MARCKS: variants seen among roughly 807,000 people sequenced by gnomAD.
MARCKS encodes myristoylated alanine rich protein kinase C substrate, also known as myristoylated alanine-rich C-kinase substrate.
In MARCKS, 4 loss-of-function variants were observed where a neutral mutation model predicts 6.3. The ratio of observed to expected loss-of-function variants is 0.63; its 90% CI spans 0.31 to 1.45. The LOEUF is 1.45. Among genes scored for constraint, MARCKS ranks in the 40% most tolerant of loss-of-function variants. MARCKS has a pLI of 0.07. For missense variants in MARCKS, 636 were observed against 485.7 expected, an observed-to-expected ratio of 1.31 and a Z score of -2.91; for synonymous variants, 289 against 236.5, an observed-to-expected ratio of 1.22 and a Z score of -2.04.
At chr6:113,859,109 C>T (rs904247659) in intron 1 of MARCKS, among the ~76,000 whole-genome samples, 5 of 152,128 alleles carry the variant, frequency 3.3e-5, no homozygotes, top group Non-Finnish European at 7.4e-5. Context: ...GGCACAGCGC[C>T]CCCTGCCGGT....
intron 1 of MARCKS, among the ~76,000 whole-genome samples, chr6:113,859,409 T>C (rs1774839706): frequency 6.6e-6 from 1 of 152,146 alleles, no homozygotes; most frequent in Admixed American, 6.5e-5. Flanking sequence ...ACTTCGTCTT[T>C]AGGGCACTTG....
At chr6:113,858,449 A>T (rs1288973760) in intron 1 of MARCKS, among the ~76,000 whole-genome samples, 1 of 152,146 alleles carries the variant, frequency 6.6e-6, no homozygotes, top group Non-Finnish European at 1.5e-5. Flanking sequence ...CTAAATCTTT[A>T]TTCGTAGCTG....
intron 1 of MARCKS, among the ~76,000 whole-genome samples, chr6:113,858,566 T>C (rs1304994910): frequency 3.9e-5 from 6 of 152,240 alleles, no homozygotes; most frequent in African/African-American, 1.4e-4. Flanking sequence ...AGGCGGTTCG[T>C]GCCTTTCGGT....
chr6:113,859,845 G>C lies in MARCKS; in HGVS notation c.265G>C (p.Glu89Gln). The change falls in exon 2 of 2, where the codon GAG (glutamate) becomes CAG (glutamine). Residue 89 changes from glutamate (E) to glutamine (Q), a missense_variant. By Grantham distance (29) the Glu-to-Gln change is conservative (BLOSUM62 2). Transcript: ENST00000612661. Reference protein sequence around the residue: ...AASPSAAEKGEPAAAAAPEAG... With the variant: ...AASPSAAEKGQPAAAAAPEAG... ...GTCGCCCTCCGCGGCCGAGAAAGGT[G>C]AGCCGGCCGCCGCCGCTGCCCCCGA... 1.5e-6 allele frequency: 2 copies of C among 1,294,892 alleles called. No individual in the cohort carries two copies. The highest frequency in any genetic ancestry group is 2.0e-6 in the Non-Finnish European group (2 of 1,023,868). The allele number at this position is 1,294,892 out of a possible 1,614,324, so 80.2% of individuals were successfully genotyped here.
At position 113,862,978 on chromosome 6, in the gene MARCKS, A is replaced by G. The variant is rs1238281971; in HGVS notation, c.*2399A>G. 1 of 152,202 alleles carries G rather than the reference A, an allele frequency of 6.6e-6. No individual in the cohort carries two copies. The highest frequency in any genetic ancestry group is 6.5e-5 in the Admixed American group (1 of 15,292). The allele number at this position is 152,202 out of a possible 1,614,324, so 9.4% of individuals were successfully genotyped here. Reference sequence around the variant, plus strand: ...TTCTTAGTTACCTAGATGGCCAAGTACAGTGCCTGGTATGTAGTAAGACTC... The same window carrying G: ...TTCTTAGTTACCTAGATGGCCAAGTGCAGTGCCTGGTATGTAGTAAGACTC... On this transcript the variant is annotated 3_prime_UTR_variant, in exon 2 of 2. Coordinates refer to ENST00000612661, the MANE Select transcript of MARCKS (RefSeq NM_002356.7).
chr6:113,860,390 G>GGAGGCC lies in MARCKS; in HGVS notation c.812_817dup (p.Glu271_Ala272dup). The GGAGGCC allele has an allele frequency of 7.9e-7, 1 of 1,269,910 alleles. No homozygotes were observed. The highest frequency in any genetic ancestry group is 1.0e-6 in the Non-Finnish European group (1 of 981,910). The allele number at this position is 1,269,910 out of a possible 1,614,324, so 78.7% of individuals were successfully genotyped here. On this transcript the variant is annotated inframe_insertion, in exon 2 of 2. Coordinates refer to ENST00000612661, the MANE Select transcript of MARCKS (RefSeq NM_002356.7). ...GCAAGGTGGAGGAGAAAAAGGCCGA[G>GGAGGCC]GAGGCCGGGGCCAGCGCCGCCGCCT... is the stretch of plus-strand genomic sequence containing the variant.
rs1157915609 is a variant in MARCKS, at chr6:113,857,738, A to G, written c.-8A>G. On this transcript the variant is annotated 5_prime_UTR_variant, in exon 1 of 2. Coordinates refer to ENST00000612661, the MANE Select transcript of MARCKS (RefSeq NM_002356.7). ...GATCTGTTGAGTTTCTTTGTTGAAGAAGCCAGCATGGGTGCCCAGTTCTCC... is the reference window on the plus strand; with the variant it reads ...GATCTGTTGAGTTTCTTTGTTGAAGGAGCCAGCATGGGTGCCCAGTTCTCC... The G allele has an allele frequency of 1.3e-6, 2 of 1,597,766 alleles. No homozygotes were observed. The highest frequency in any genetic ancestry group is 4.5e-5 in the East Asian group (2 of 44,266).
chr6:113,859,694 C>A lies in MARCKS; in HGVS notation c.114C>A (p.His38Gln). The A allele has an allele frequency of 6.6e-7, 1 of 1,504,304 alleles. No homozygotes were observed. The highest frequency in any genetic ancestry group is 8.9e-7 in the Non-Finnish European group (1 of 1,127,152). 93.2% of individuals were successfully genotyped at this position (1,504,304 alleles called of 1,614,324 possible). ...PSKANGQENG[H>Q]VKVNGDASPA... ...TCTCTGCCCCTTAGGAGAATGGCCA[C>A]GTGAAGGTAAACGGCGACGCTTCGC... Residue 38 changes from histidine to glutamine, a missense_variant, in exon 2 of 2, where the codon CAC becomes CAA. Coordinates refer to ENST00000612661, the MANE Select transcript of MARCKS (RefSeq NM_002356.7).
At position 113,861,109 on chromosome 6, in the gene MARCKS, G is replaced by A. The variant is rs551462727; in HGVS notation, c.*530G>A. 2 of 142,826 alleles carry A rather than the reference G, an allele frequency of 1.4e-5. No homozygotes were observed. Among genetic ancestry groups the A allele is most frequent in the Non-Finnish European group, 1.5e-5 (1 of 66,206 alleles). The allele number at this position is 142,826 out of a possible 1,614,324, so 8.8% of individuals were successfully genotyped here. A position where few individuals can be genotyped will look rare whatever the true frequency, so the allele number is the denominator to read the frequency against. ...TTTTTAAAAGAAAAGTTATTACCAT[G>A]TATTTTGTGAGGCAGGTTTACAACA... On this transcript the variant is annotated 3_prime_UTR_variant, in exon 2 of 2. Coordinates refer to ENST00000612661, the MANE Select transcript of MARCKS (RefSeq NM_002356.7).
chr6:113,860,239 A>G lies in MARCKS; in HGVS notation c.659A>G (p.Glu220Gly). ...GGGGAGCAGGCAGCGGCGCCGGGCG[A>G]GGAGGCGGCAGCGGGCGAGGAGGGG... The part of the protein sequence containing the change: ...ASGEQAAAPG[E>G]EAAAGEEGAA... The change falls in exon 2 of 2, where the codon GAG becomes GGG. Residue 220 changes from glutamate (E) to glycine (G), a missense_variant. By Grantham distance (98) the Glu-to-Gly change is moderately conservative. Transcript: ENST00000612661. The G allele has an allele frequency of 1.9e-6, 2 of 1,074,440 alleles. No homozygotes were observed. The highest frequency in any genetic ancestry group is 2.3e-6 in the Non-Finnish European group (2 of 883,190). 66.6% of individuals were successfully genotyped at this position (1,074,440 alleles called of 1,614,324 possible).
chr6:113,859,397 G>T (rs1774839494), intron 1 of MARCKS, among the ~76,000 whole-genome samples: 1 of 152,176 alleles, frequency 6.6e-6, no homozygotes, highest in African/African-American at 2.4e-5. Context: ...GCTACGTTTC[G>T]GACTTCGTCT....
chr6:113,858,994 G>C (rs1053150411), intron 1 of MARCKS, among the ~76,000 whole-genome samples: 1 of 152,126 alleles, frequency 6.6e-6, no homozygotes, highest in Non-Finnish European at 1.5e-5. Flanking sequence ...CGCGATCCGG[G>C]CTCGGGGGCG....
rs973869613 is a variant in MARCKS at position 113,862,411 on chromosome 6, G to A, written c.*1832G>A. ...TCATGGGCCTTTAGCATAGTTTTAAGCATCCTTTTTTTTTTTTTTTTTTGA... is the reference window on the plus strand; with the variant it reads ...TCATGGGCCTTTAGCATAGTTTTAAACATCCTTTTTTTTTTTTTTTTTTGA... On this transcript the variant is annotated 3_prime_UTR_variant, in exon 2 of 2. Coordinates refer to ENST00000612661, the MANE Select transcript of MARCKS (RefSeq NM_002356.7). 2.7e-4 allele frequency: 37 copies of A among 138,588 alleles called. No individual in the cohort carries two copies. Among genetic ancestry groups the A allele is most frequent in the African/African-American group, 9.0e-4 (35 of 38,742 alleles). 8.6% of individuals were successfully genotyped at this position (138,588 alleles called of 1,614,324 possible).
Position 113,860,793 on chromosome 6 carries a change from A to G in MARCKS, c.*214A>G, listed in dbSNP as rs1774889608. 2 of 334,334 alleles carry G rather than the reference A, an allele frequency of 6.0e-6. No homozygotes were observed. Among genetic ancestry groups the G allele is most frequent in the African/African-American group, 4.4e-5 (2 of 45,234 alleles). 20.7% of individuals were successfully genotyped at this position (334,334 alleles called of 1,614,324 possible). On this transcript the variant is annotated 3_prime_UTR_variant, in exon 2 of 2. Coordinates refer to ENST00000612661, the MANE Select transcript of MARCKS (RefSeq NM_002356.7). ...CCCATCTCAAATCATTCTGTTAACC[A>G]CCATTCCAACAGGTCGAGGAGAGCT...
Position 113,860,344 on chromosome 6 carries a change from C to T in MARCKS, c.764C>T (p.Thr255Ile). ...APEKPPASDE[T>I]KAAEEPSKVE... ...GAGAAGCCGCCCGCCAGCGACGAGA[C>T]CAAGGCCGCCGAGGAGCCCAGCAAG... is the stretch of plus-strand genomic sequence containing the variant. Residue 255 changes from threonine to isoleucine, a missense_variant, in exon 2 of 2, where the codon ACC becomes ATC. Thr to Ile is a moderately conservative substitution (Grantham distance 89, BLOSUM62 -1). Transcript: ENST00000612661. 1 of 1,310,794 alleles carries T rather than the reference C, an allele frequency of 7.6e-7. No homozygotes were observed. The highest frequency in any genetic ancestry group is 1.0e-6 in the Non-Finnish European group (1 of 1,004,660). 81.2% of individuals were successfully genotyped at this position (1,310,794 alleles called of 1,614,324 possible).
Position 113,859,740 on chromosome 6 carries a change from G to A in MARCKS, c.160G>A (p.Ala54Thr). Residue 54 changes from alanine to threonine, a missense_variant, in exon 2 of 2, where the codon GCC becomes ACC. By Grantham distance (58) the Ala-to-Thr change is moderately conservative. Transcript: ENST00000612661. ...TTCGCCCGCGGCCGCCGAGTCGGGC[G>A]CCAAGGAGGAGCTGCAGGCCAACGG... ...DASPAAAESGAKEELQANGSA... is the reference protein window; with the variant it reads ...DASPAAAESGTKEELQANGSA... 2.7e-6 allele frequency: 4 copies of A among 1,499,328 alleles called. No individual in the cohort carries two copies. Among genetic ancestry groups the A allele is most frequent in the Non-Finnish European group, 2.7e-6 (3 of 1,125,098 alleles). The allele number at this position is 1,499,328 out of a possible 1,614,324, so 92.9% of individuals were successfully genotyped here.
Position 113,860,131 on chromosome 6 carries a change from C to G in MARCKS, c.551C>G (p.Ala184Gly). 1 of 1,502,510 alleles carries G rather than the reference C, an allele frequency of 6.7e-7. No homozygotes were observed. The highest frequency in any genetic ancestry group is 8.9e-7 in the Non-Finnish European group (1 of 1,123,454). 93.1% of individuals were successfully genotyped at this position (1,502,510 alleles called of 1,614,324 possible). ...AAGGAGGCTGGAGAAGGCGGTGAGG[C>G]TGAGGCGCCCGCTGCCGAAGGCGGC... ...NKKEAGEGGE[A>G]EAPAAEGGKD... The change falls in exon 2 of 2, where the codon GCT becomes GGT. Residue 184 changes from alanine (A) to glycine (G), a missense_variant. Coordinates refer to ENST00000612661, the MANE Select transcript of MARCKS (RefSeq NM_002356.7).
chr6:113,857,687 C>A lies in MARCKS; in HGVS notation c.-59C>A. 7.2e-7 allele frequency: 1 copy of A among 1,380,478 alleles called. No individual in the cohort carries two copies. Among genetic ancestry groups the A allele is most frequent in the Non-Finnish European group, 9.9e-7 (1 of 1,005,142 alleles). The allele number at this position is 1,380,478 out of a possible 1,614,324, so 85.5% of individuals were successfully genotyped here. A position where few individuals can be genotyped will look rare whatever the true frequency, so the allele number is the denominator to read the frequency against. ...GCTGCTCGCCCCGTCGTTACACCAA[C>A]CCGAGGCTCTTTGTTTCCCCTCTTG... On this transcript the variant is annotated 5_prime_UTR_variant, in exon 1 of 2. Transcript: ENST00000612661.
Position 113,859,830 on chromosome 6 carries a change from G to A in MARCKS, c.250G>A (p.Ala84Thr). Residue 84 changes from alanine (A) to threonine (T), a missense_variant, in exon 2 of 2, where the codon GCG becomes ACG. Physicochemically the swap from Ala to Thr is moderately conservative, Grantham distance 58. Transcript: ENST00000612661. ...AAGSGAASPS[A>T]AEKGEPAAAA... ...CGGGAGCGGGGCGGCGTCGCCCTCC[G>A]CGGCCGAGAAAGGTGAGCCGGCCGC... 2 of 1,292,296 alleles carry A rather than the reference G, an allele frequency of 1.5e-6. No homozygotes were observed. The highest frequency in any genetic ancestry group is 2.0e-6 in the Non-Finnish European group (2 of 1,022,348). 80.1% of individuals were successfully genotyped at this position (1,292,296 alleles called of 1,614,324 possible).
Sources: gnomAD v4.1 joint callset for allele counts (sites outside exome capture counted in the v4.1 genomes callset) on GRCh38, gnomAD v4.1.1 for gene constraint, MANE v1.5 for transcripts, NCBI Gene and HGNC (gene_info 2026-07-23, HGNC 2026-07-21) for gene names.